LRRC8D: variants seen among roughly 807,000 people sequenced by gnomAD.
LRRC8D encodes volume-regulated anion channel subunit LRRC8D.
A neutral mutation model predicts 55.8 loss-of-function variants in LRRC8D; 20 were observed. The observed-to-expected ratio is 0.36, with a 90% CI of 0.25 to 0.52. The LOEUF (loss-of-function observed/expected upper bound fraction) is 0.52, where lower values mean the gene tolerates loss of function less well. Ranked by LOEUF, LRRC8D falls within the 20% of genes least tolerant of loss-of-function variation. The pLI is 0.93. For missense variants in LRRC8D, 651 were observed against 1,030.8 expected (o/e 0.63, Z 5.05); for synonymous variants, 352 against 377.0 (o/e 0.93, Z 0.77).
chr1:89,893,136 G>A (rs1662621670), intron 2 of LRRC8D, among the ~76,000 whole-genome samples: 1 of 152,162 alleles, frequency 6.6e-6, no homozygotes, highest in Non-Finnish European at 1.5e-5. Flanking sequence ...TAAAAGCTAT[G>A]AAGAAATGAA....
chr1:89,920,687 G>C (rs1663390705), intron 2 of LRRC8D, among the ~76,000 whole-genome samples: 1 of 146,348 alleles, frequency 6.8e-6, no homozygotes, highest in Non-Finnish European at 1.5e-5. Context: ...GTAATACAGA[G>C]GCCTATTGGG....
rs1401333711 is a variant in LRRC8D, at chr1:89,862,186, A to T, written c.-3+18404A>T. Among the ~76,000 whole-genome samples the T allele has an allele frequency of 2.0e-5, 3 of 152,294 alleles. No homozygotes were observed. In the East Asian group the frequency reaches 5.8e-4, roughly 29 times the overall value. ...TTCTTCTATTAATAATAAAATGGAG[A>T]TCAGAAGAGTGAAGTGACTTTTTCC... On this transcript the variant is annotated intron_variant, in intron 2 of 2. Transcript: ENST00000337338.
chr1:89,926,938 A>C (rs554642370), intron 2 of LRRC8D, among the ~76,000 whole-genome samples: 1 of 152,254 alleles, frequency 6.6e-6, no homozygotes, highest in Non-Finnish European at 1.5e-5. Context: ...GGTAAATAAC[A>C]ACACTTTGGC....
chr1:89,856,785 T>C (rs948030999), intron 2 of LRRC8D, among the ~76,000 whole-genome samples: 5 of 152,216 alleles, frequency 3.3e-5, no homozygotes, highest in African/African-American at 1.2e-4. Context: ...GTAATTTACA[T>C]GTAAAGTGGT....
chr1:89,874,806 C>G (rs1322744475), intron 2 of LRRC8D, among the ~76,000 whole-genome samples: 2 of 151,980 alleles, frequency 1.3e-5, no homozygotes, highest in Non-Finnish European at 2.9e-5. Context: ...AGCAGTAATC[C>G]AAAAATGTTA....
intron 2 of LRRC8D, among the ~76,000 whole-genome samples, chr1:89,928,038 G>A (rs1294232363): frequency 1.3e-5 from 2 of 152,332 alleles, no homozygotes; most frequent in South Asian, 2.1e-4. Flanking sequence ...AGGAGCTCAA[G>A]ATCTAGTGGA....
intron 2 of LRRC8D, among the ~76,000 whole-genome samples, chr1:89,901,698 A>T (rs1662855775): frequency 1.3e-5 from 2 of 152,290 alleles, no homozygotes; most frequent in South Asian, 2.1e-4. Context: ...GTGCTCAAAT[A>T]TTTTTTTTAA....
chr1:89,860,681 C>G (rs1428876225), intron 2 of LRRC8D, among the ~76,000 whole-genome samples: 1 of 136,982 alleles, frequency 7.3e-6, no homozygotes, highest in African/African-American at 2.8e-5. Context: ...TCACTTGAAC[C>G]TGGGAGGTGG....
chr1:89,881,839 GGC>G (rs1271873735), intron 2 of LRRC8D, among the ~76,000 whole-genome samples: 2 of 152,104 alleles, frequency 1.3e-5, no homozygotes, highest in Non-Finnish European at 2.9e-5. Context: ...GATGACCCTT[GGC>G]CCAGAACAGC....
chr1:89,892,092 G>A (rs1938032), intron 2 of LRRC8D, among the ~76,000 whole-genome samples: 20,284 of 152,160 alleles, frequency 0.13, 1,509 homozygotes, highest in Non-Finnish European at 0.17. Context: ...ACATTGTTCC[G>A]TTTCACATTC....
intron 2 of LRRC8D, among the ~76,000 whole-genome samples, chr1:89,901,245 A>T (rs1160005515): frequency 4.6e-5 from 7 of 152,142 alleles, no homozygotes; most frequent in Admixed American, 3.9e-4. Flanking sequence ...TCTGCCCTGT[A>T]AGCGTAAAGG....
intron 2 of LRRC8D, among the ~76,000 whole-genome samples, chr1:89,925,269 C>T (rs1282701207): frequency 6.6e-6 from 1 of 152,158 alleles, no homozygotes; most frequent in Admixed American, 6.5e-5. Context: ...CACTGTCTTC[C>T]ATCACTCCCA....
At chr1:89,930,832 A>G (rs1301064995) in intron 2 of LRRC8D, among the ~76,000 whole-genome samples, 1 of 151,450 alleles carries the variant, frequency 6.6e-6, no homozygotes, top group Admixed American at 6.6e-5. Flanking sequence ...CATTTAGGTT[A>G]GCTTGCTGTG....
chr1:89,921,896 G>A (rs1379832853), intron 2 of LRRC8D, among the ~76,000 whole-genome samples: 1 of 151,974 alleles, frequency 6.6e-6, no homozygotes, highest in South Asian at 2.1e-4. Flanking sequence ...TAATGCTAGG[G>A]TTTCTTTTAT....
chr1:89,884,401 G>A (rs1485609735), intron 2 of LRRC8D, among the ~76,000 whole-genome samples: 4 of 152,166 alleles, frequency 2.6e-5, no homozygotes, highest in Non-Finnish European at 4.4e-5. Flanking sequence ...GCTCCCACTT[G>A]CCATATATAT....
chr1:89,853,263 G>A (rs907339203), intron 2 of LRRC8D, among the ~76,000 whole-genome samples: 2 of 152,198 alleles, frequency 1.3e-5, no homozygotes, highest in African/African-American at 2.4e-5. Flanking sequence ...TCATTAGTAA[G>A]GATGGAAAAC....
intron 1 of LRRC8D, among the ~76,000 whole-genome samples, chr1:89,825,879 C>T (rs1165912822): frequency 6.6e-6 from 1 of 152,176 alleles, no homozygotes. Flanking sequence ...AGCTGTCTCA[C>T]AGTGTTGAAG....
chr1:89,841,013 C>T (rs1363763283), intron 1 of LRRC8D, among the ~76,000 whole-genome samples: 1 of 152,176 alleles, frequency 6.6e-6, no homozygotes, highest in East Asian at 1.9e-4. Flanking sequence ...TGCTTCACAT[C>T]CCCACTCCCC....
chr1:89,845,863 C>G (rs576320619), intron 2 of LRRC8D, among the ~76,000 whole-genome samples: 1 of 151,960 alleles, frequency 6.6e-6, no homozygotes, highest in South Asian at 2.1e-4. Context: ...CTTACCACAA[C>G]CTCCGTCTCC....
Sources: allele counts gnomAD v4.1 joint callset (sites outside exome capture counted in the v4.1 genomes callset), GRCh38; gene constraint gnomAD v4.1.1; transcripts MANE v1.5; gene names NCBI Gene and HGNC (gene_info 2026-07-23, HGNC 2026-07-21).